The following NAAA variants were observed in gnomAD, a reference collection of about 807,000 sequenced individuals.
NAAA encodes N-acylethanolamine acid amidase, also known as N-acylethanolamine-hydrolyzing acid amidase.
Under a neutral mutation model 44.8 loss-of-function variants are expected in NAAA, and 39 were observed. The observed-to-expected ratio is 0.87, with a 90% CI of 0.67 to 1.14. The LOEUF is 1.14. NAAA is among the 50% of genes most tolerant of loss of function. The pLI, the probability that NAAA is intolerant of heterozygous loss-of-function variation, is 0.00. For missense variants in NAAA, 460 were observed against 467.8 expected, an observed-to-expected ratio of 0.98 and a Z score of 0.15; for synonymous variants, 178 against 191.3, an observed-to-expected ratio of 0.93 and a Z score of 0.58.
chr4:75,912,391 A>G (rs1205863624), downstream of NAAA, among the ~76,000 whole-genome samples: 4 of 152,050 alleles, frequency 2.6e-5, no homozygotes, highest in East Asian at 7.7e-4. Flanking sequence ...TGTCTCTACT[A>G]AAAACACCAA....
At chr4:75,926,943 GC>G (rs1726759505) in intron 4 of NAAA, among the ~76,000 whole-genome samples, 1 of 151,898 alleles carries the variant, frequency 6.6e-6, no homozygotes, top group Admixed American at 6.6e-5. Context: ...GGTCAAGGCT[GC>G]AGTGAGCTGT....
chr4:75,911,697 C>T (rs1725330526), downstream of NAAA, among the ~76,000 whole-genome samples: 1 of 152,126 alleles, frequency 6.6e-6, no homozygotes, highest in South Asian at 2.1e-4. Flanking sequence ...ATCTTAGGTG[C>T]TATAGTAGTG....
chr4:75,928,333 C>G (rs1027414441), intron 4 of NAAA, among the ~76,000 whole-genome samples: 1 of 152,134 alleles, frequency 6.6e-6, no homozygotes, highest in African/African-American at 2.4e-5. Context: ...ATCAGGTGGA[C>G]TAATCAGGCA....
chr4:75,939,237 G>A (rs1216409217), intron 2 of NAAA, among the ~76,000 whole-genome samples: 1 of 152,054 alleles, frequency 6.6e-6, no homozygotes, highest in Non-Finnish European at 1.5e-5. Flanking sequence ...CCCCAGCCCT[G>A]GTGGACACAG....
At chr4:75,934,472 C>G (rs28422144) in intron 3 of NAAA, among the ~76,000 whole-genome samples, 1 of 145,052 alleles carries the variant, frequency 6.9e-6, no homozygotes, top group African/African-American at 2.6e-5. Flanking sequence ...CCCACCCACA[C>G]GCCCAGCTAA....
At chr4:75,915,305 C>A (rs551399004) in intron 9 of NAAA, among the ~76,000 whole-genome samples, 8 of 152,122 alleles carry the variant, frequency 5.3e-5, no homozygotes, top group East Asian at 1.9e-4. Flanking sequence ...GCTGAGATTG[C>A]GCCACTGCAC....
downstream of NAAA, among the ~76,000 whole-genome samples, chr4:75,911,637 G>C (rs1022095779): frequency 2.0e-5 from 3 of 152,172 alleles, no homozygotes; most frequent in African/African-American, 7.2e-5. Flanking sequence ...TCCTGGTGGG[G>C]TCCAGTGGTT....
At chr4:75,925,595 AT>A in intron 5 of NAAA, 139 bp downstream of exon 5, 1 of 753,070 alleles carries the variant, frequency 1.3e-6, no homozygotes, top group South Asian at 1.7e-5. Flanking sequence ...TATCAAAAAG[AT>A]TTATATGCAC....
chr4:75,937,710 A>G (rs1241429454), intron 2 of NAAA, among the ~76,000 whole-genome samples: 1 of 151,916 alleles, frequency 6.6e-6, no homozygotes, highest in African/African-American at 2.4e-5. Context: ...CTGGTCTCGA[A>G]CTCCTGGGCT....
intron 2 of NAAA, 178 bp downstream of exon 2, chr4:75,939,823 G>A: frequency 1.5e-6 from 1 of 651,814 alleles, no homozygotes; most frequent in Non-Finnish European, 2.6e-6. Flanking sequence ...TTTCCCTCTC[G>A]AAGCCTACGA....
At chr4:75,933,231 A>G (rs1727402451) in intron 3 of NAAA, among the ~76,000 whole-genome samples, 1 of 152,066 alleles carries the variant, frequency 6.6e-6, no homozygotes, top group African/African-American at 2.4e-5. Flanking sequence ...ATAGTCCTAG[A>G]TTGATATTTT....
Position 75,921,083 on chromosome 4 carries a change from T to C in NAAA, c.707A>G (p.Lys236Arg). The C allele has an allele frequency of 6.3e-7, 1 of 1,590,286 alleles. No homozygotes were observed. Residue 236 changes from lysine (K) to arginine (R), a missense_variant, in exon 6 of 11, where the codon AAG (lysine) becomes AGG (arginine). Physicochemically the swap from Lys to Arg is conservative, Grantham distance 26. Transcript: ENST00000286733. ...ESENFEAAVG[K>R]LAKTPLIADV... ...AGCAATAAGGGGAGTCTTGGCCAAC[T>C]TGCCAACAGCTGCTTCGAAGTTTTC...
chr4:75,933,816 T>C, intron 3 of NAAA, among the ~76,000 whole-genome samples: 1 of 151,760 alleles, frequency 6.6e-6, no homozygotes. Context: ...GGGTGGATTA[T>C]CTGAGCTCAG....
At chr4:75,922,833 A>G (rs148038174) in intron 5 of NAAA, among the ~76,000 whole-genome samples, 85 of 152,330 alleles carry the variant, frequency 5.6e-4, no homozygotes, top group African/African-American at 8.9e-4. Context: ...TATGTTGCCT[A>G]TACCATCCCC....
In NAAA at chr4:75,936,337, T is replaced by A. The variant is rs1166734281; in HGVS notation, c.372-102A>T. 2.9e-6 allele frequency: 4 copies of A among 1,363,150 alleles called. No homozygotes were observed. The East Asian group carries it at 9.2e-5, about 31-fold the overall frequency. The allele number at this position is 1,363,150 out of a possible 1,614,324, so 84.4% of individuals were successfully genotyped here. A position where few individuals can be genotyped will look rare whatever the true frequency, so the allele number is the denominator to read the frequency against. On this transcript the variant is annotated intron_variant, in intron 2 of 10. Coordinates refer to ENST00000286733, the MANE Select transcript of NAAA (RefSeq NM_014435.4). The stretch of plus-strand genomic sequence containing the variant: ...AAACAAATCCTCAAAGTAAAAGTTT[T>A]TCTTCCTTATAACTGATATATGTGC...
rs986975786 is a variant in NAAA, at chr4:75,940,991, C to T, written c.-42G>A. On this transcript the variant is annotated 5_prime_UTR_variant, in exon 1 of 11. Transcript: ENST00000286733. Reference sequence around the variant, plus strand: ...GCCGCAACTTGGAGACCTGCAGCCGCTGTCGGAGCCCGGGTAAGCCGTGGA... The same window carrying T: ...GCCGCAACTTGGAGACCTGCAGCCGTTGTCGGAGCCCGGGTAAGCCGTGGA... 2.1e-6 allele frequency: 3 copies of T among 1,433,452 alleles called. No individual in the cohort carries two copies. The highest frequency in any genetic ancestry group is 2.7e-6 in the Non-Finnish European group (3 of 1,103,480). 88.8% of individuals were successfully genotyped at this position (1,433,452 alleles called of 1,614,324 possible).
chr4:75,925,660 A>T lies in NAAA; in HGVS notation c.666+75T>A, dbSNP rs1031403331. The T allele has an allele frequency of 1.0e-5, 14 of 1,400,338 alleles. No homozygotes were observed. In the African/African-American group the frequency reaches 1.7e-4, roughly 17 times the overall value. 86.7% of individuals were successfully genotyped at this position (1,400,338 alleles called of 1,614,324 possible). A position where few individuals can be genotyped will look rare whatever the true frequency, so the allele number is the denominator to read the frequency against. On this transcript the variant is annotated intron_variant, in intron 5 of 10. Coordinates refer to ENST00000286733, the MANE Select transcript of NAAA (RefSeq NM_014435.4). The stretch of plus-strand genomic sequence containing the variant: ...TAAGGAGCTCCTTACATTAAAAGCA[A>T]CATTGTTAAATGACACAGAACAGTT...
chr4:75,913,286 G>A (rs372436688), downstream of NAAA, among the ~76,000 whole-genome samples: 1 of 151,280 alleles, frequency 6.6e-6, no homozygotes, highest in Non-Finnish European at 1.5e-5. Context: ...TTTATCCCCC[G>A]CTCCTGCTTG....
At chr4:75,935,859 T>G in intron 3 of NAAA, 2 of 576,330 alleles carry the variant, frequency 3.5e-6, no homozygotes, top group Middle Eastern at 4.5e-4. Flanking sequence ...TTGATCACTC[T>G]CTAAAAGAGA....
Sources: gnomAD v4.1 joint callset for allele counts (sites outside exome capture counted in the v4.1 genomes callset) on GRCh38, gnomAD v4.1.1 for gene constraint, MANE v1.5 for transcripts, NCBI Gene and HGNC (gene_info 2026-07-23, HGNC 2026-07-21) for gene names.